The following PTPRG variants were observed in gnomAD, a reference collection of about 807,000 sequenced individuals.
PTPRG encodes protein tyrosine phosphatase receptor type G, also known as receptor-type tyrosine-protein phosphatase gamma.
In PTPRG, 102 loss-of-function variants were observed where a neutral mutation model predicts 165.3. The observed-to-expected ratio is 0.62, with a 90% CI of 0.53 to 0.73. The LOEUF is 0.73. PTPRG is among the 30% of genes least tolerant of loss of function. The pLI is 0.00. For synonymous variants in PTPRG, 675 were observed against 669.5 expected, an observed-to-expected ratio of 1.01 and a Z score of -0.13; for missense variants, 1,866 against 1,861.4, an observed-to-expected ratio of 1.00 and a Z score of -0.05.
At chr3:61,914,785 C>T (rs1297222673) in intron 2 of PTPRG, among the ~76,000 whole-genome samples, 3 of 152,156 alleles carry the variant, frequency 2.0e-5, no homozygotes, top group African/African-American at 7.2e-5. Flanking sequence ...AAGATACACA[C>T]AAAACAAATA....
chr3:61,775,041 T>C (rs1357826815), intron 2 of PTPRG, among the ~76,000 whole-genome samples: 2 of 152,280 alleles, frequency 1.3e-5, no homozygotes, highest in South Asian at 2.1e-4. Flanking sequence ...TCGTATGTGA[T>C]GGTGTGTGAC....
At chr3:61,637,764 A>T (rs897664941) in intron 1 of PTPRG, among the ~76,000 whole-genome samples, 7 of 152,216 alleles carry the variant, frequency 4.6e-5, no homozygotes, top group Admixed American at 4.6e-4. Context: ...GCCATGCACC[A>T]GAAACAGAGA....
intron 2 of PTPRG, among the ~76,000 whole-genome samples, chr3:61,830,177 G>C (rs1310596775): frequency 6.6e-6 from 1 of 152,276 alleles, no homozygotes; most frequent in East Asian, 1.9e-4. Context: ...GATGTCATGT[G>C]GCATAACCCT....
At chr3:62,040,843 T>A (rs930375462) in intron 4 of PTPRG, among the ~76,000 whole-genome samples, 1 of 152,212 alleles carries the variant, frequency 6.6e-6, no homozygotes, top group Non-Finnish European at 1.5e-5. Context: ...TTGATTTCTA[T>A]TTTGAGCCTG....
chr3:61,941,706 A>G (rs966655458), intron 2 of PTPRG, among the ~76,000 whole-genome samples: 8 of 152,228 alleles, frequency 5.3e-5, no homozygotes, highest in Admixed American at 6.5e-5. Flanking sequence ...AATTTGATCA[A>G]TAGTCTCCCT....
chr3:62,156,458 G>C (rs1040526729), intron 6 of PTPRG, among the ~76,000 whole-genome samples: 2 of 152,166 alleles, frequency 1.3e-5, no homozygotes, highest in African/African-American at 2.4e-5. Flanking sequence ...AAAGAATGCT[G>C]GTTCCTGGGG....
intron 4 of PTPRG, among the ~76,000 whole-genome samples, chr3:62,005,480 G>A (rs1438012599): frequency 6.6e-6 from 1 of 152,040 alleles, no homozygotes; most frequent in African/African-American, 2.4e-5. Flanking sequence ...TTAGAATTGG[G>A]TTTCCGTTTG....
At chr3:61,569,667 C>T (rs570389667) in intron 1 of PTPRG, among the ~76,000 whole-genome samples, 5 of 152,156 alleles carry the variant, frequency 3.3e-5, no homozygotes, top group African/African-American at 7.2e-5. Flanking sequence ...GTATGGAAAG[C>T]GGACGGTGGA....
chr3:62,011,455 G>T (rs537428823), intron 4 of PTPRG, among the ~76,000 whole-genome samples: 10 of 152,172 alleles, frequency 6.6e-5, no homozygotes, highest in Non-Finnish European at 1.3e-4. Flanking sequence ...GCCTCTTCAT[G>T]GAGCGTGGAC....
At chr3:61,809,632 A>G (rs1316303691) in intron 2 of PTPRG, among the ~76,000 whole-genome samples, 2 of 152,196 alleles carry the variant, frequency 1.3e-5, no homozygotes, top group Non-Finnish European at 2.9e-5. Flanking sequence ...TGAATACTAT[A>G]TGTCATGTAC....
intron 2 of PTPRG, among the ~76,000 whole-genome samples, chr3:61,797,796 C>T (rs2035099010): frequency 6.6e-6 from 1 of 151,910 alleles, no homozygotes; most frequent in Non-Finnish European, 1.5e-5. Context: ...GGAGACTTGA[C>T]AGTGCCCTCA....
At chr3:61,968,870 C>T (rs555448128) in intron 2 of PTPRG, among the ~76,000 whole-genome samples, 22 of 152,146 alleles carry the variant, frequency 1.4e-4, no homozygotes, top group Non-Finnish European at 2.9e-4. Flanking sequence ...CTTTAAAGAA[C>T]ATTTGTAGGG....
chr3:62,041,613 C>G (rs1700132883), intron 4 of PTPRG, among the ~76,000 whole-genome samples: 1 of 152,144 alleles, frequency 6.6e-6, no homozygotes, highest in Non-Finnish European at 1.5e-5. Flanking sequence ...TCTTCACAAC[C>G]CCTGCCCCCT....
chr3:62,182,935 A>G (rs912610317), intron 8 of PTPRG, among the ~76,000 whole-genome samples: 2 of 152,208 alleles, frequency 1.3e-5, no homozygotes, highest in Non-Finnish European at 2.9e-5. Context: ...GATTACAGGC[A>G]TGAGCCACTA....
chr3:62,058,344 TA>T (rs140757505), intron 4 of PTPRG, among the ~76,000 whole-genome samples: 1,741 of 151,824 alleles, frequency 0.011, 26 homozygotes, highest in Middle Eastern at 0.065. Context: ...TTATTATTAT[TA>T]TTTTTTTTAG....
At chr3:61,873,240 A>C (rs2037631784) in intron 2 of PTPRG, among the ~76,000 whole-genome samples, 1 of 152,216 alleles carries the variant, frequency 6.6e-6, no homozygotes. Context: ...CTACAGCCTC[A>C]ATGACATTCA....
At chr3:61,585,731 A>G (rs901561534) in intron 1 of PTPRG, among the ~76,000 whole-genome samples, 12 of 152,270 alleles carry the variant, frequency 7.9e-5, no homozygotes, top group Admixed American at 7.8e-4. Context: ...TGGGCAACAG[A>G]GCCAGACCGT....
At chr3:62,158,290 T>C (rs1160539736) in intron 7 of PTPRG, among the ~76,000 whole-genome samples, 2 of 152,160 alleles carry the variant, frequency 1.3e-5, no homozygotes, top group African/African-American at 2.4e-5. Context: ...TGGACTGAAT[T>C]ACAAAAAGTG....
At chr3:61,854,492 T>C (rs569138966) in intron 2 of PTPRG, among the ~76,000 whole-genome samples, 31 of 152,298 alleles carry the variant, frequency 2.0e-4, no homozygotes, top group East Asian at 1.2e-3. Context: ...TTTTGTTTGT[T>C]CTCCTAAGGT....
Sources: gnomAD v4.1 joint callset for allele counts (sites outside exome capture counted in the v4.1 genomes callset) on GRCh38, gnomAD v4.1.1 for gene constraint, MANE v1.5 for transcripts, NCBI Gene and HGNC (gene_info 2026-07-23, HGNC 2026-07-21) for gene names.